Variants in TTC13 observed in about 807,000 individuals in gnomAD.
The protein encoded by TTC13 is tetratricopeptide repeat domain 13, also known as tetratricopeptide repeat protein 13.
Under a neutral mutation model 120.0 loss-of-function variants are expected in TTC13, and 62 were observed. The ratio of observed to expected loss-of-function variants is 0.52; its 90% CI spans 0.42 to 0.64. The LOEUF (loss-of-function observed/expected upper bound fraction) is 0.64. TTC13 is among the 30% of genes least tolerant of loss of function. The probability of loss-of-function intolerance (pLI) is 0.00; values close to 1 mark genes in which losing one functional copy is unlikely to be tolerated. For missense variants in TTC13, 824 were observed against 1,050.2 expected (o/e 0.78, Z 2.98); for synonymous variants, 384 against 393.5 (o/e 0.98, Z 0.28).
intron 18 of TTC13, among the ~76,000 whole-genome samples, chr1:230,914,247 C>T (rs189929558): frequency 2.7e-3 from 408 of 152,224 alleles, no homozygotes; most frequent in Non-Finnish European, 4.8e-3. Flanking sequence ...CGAGGATTTT[C>T]TTCCACCTCT....
chr1:230,938,549 C>G (rs1013288517), intron 8 of TTC13, among the ~76,000 whole-genome samples: 2 of 152,176 alleles, frequency 1.3e-5, no homozygotes, highest in African/African-American at 4.8e-5. Context: ...CCTCCTCTGC[C>G]CAGCAGTCAG....
At chr1:230,934,608 A>G (rs1270228320) in intron 8 of TTC13, among the ~76,000 whole-genome samples, 2 of 152,240 alleles carry the variant, frequency 1.3e-5, no homozygotes, top group African/African-American at 4.8e-5. Flanking sequence ...CTATTTAAGT[A>G]GAAACAACCT....
rs1170199674 is a variant in TTC13 at position 230,937,031 on chromosome 1, G to A, written c.900+2355C>T. Among the ~76,000 whole-genome samples, 4 of 152,214 alleles carry A rather than the reference G, an allele frequency of 2.6e-5. No homozygotes were observed. The East Asian group carries it at 7.7e-4, about 29-fold the overall frequency. The stretch of plus-strand genomic sequence containing the variant: ...GTTCCCATCTATTATACTTGCTGAT[G>A]CTGTGCTTATGAGCATGGTGAAAAG... On this transcript the variant is annotated intron_variant, in intron 8 of 22. Coordinates refer to ENST00000366661, the MANE Select transcript of TTC13 (RefSeq NM_024525.5).
intron 22 of TTC13, among the ~76,000 whole-genome samples, chr1:230,907,754 T>C (rs1025915463): frequency 6.6e-6 from 1 of 152,226 alleles, no homozygotes; most frequent in Non-Finnish European, 1.5e-5. Context: ...GTGGTTGCTA[T>C]GTCAAATAGA....
At chr1:230,969,119 G>A (rs547256384) in intron 1 of TTC13, among the ~76,000 whole-genome samples, 63 of 149,858 alleles carry the variant, frequency 4.2e-4, no homozygotes, top group African/African-American at 1.4e-3. Context: ...AAACCTAGCC[G>A]GGTGCAGTGG....
chr1:230,933,848 G>T lies in TTC13; in HGVS notation c.914C>A (p.Ser305Tyr). 1 of 1,597,762 alleles carries T rather than the reference G, an allele frequency of 6.3e-7. No individual in the cohort carries two copies. The highest frequency in any genetic ancestry group is 1.1e-5 in the South Asian group (1 of 88,874). ...HRGLLKEAIE[S>Y]FKEALKQKVD... is the part of the protein sequence containing the mutation. ...TTTCTGCTTCAAAGCTTCTTTGAAG[G>T]ATTCAATAGCTTCCTATAAAAAGTG... Residue 305 changes from serine to tyrosine, a missense_variant, in exon 9 of 23, where the codon TCC becomes TAC. This residue lies in a region of TTC13 where 430 missense variants were observed against 626.8 expected (regional missense o/e 0.69). Coordinates refer to ENST00000366661, the MANE Select transcript of TTC13 (RefSeq NM_024525.5).
chr1:230,940,484 C>T lies in TTC13; in HGVS notation c.745G>A (p.Ala249Thr). The change falls in exon 7 of 23, where the codon GCA becomes ACA. Residue 249 changes from alanine (A) to threonine (T), a missense_variant. Transcript: ENST00000366661. This position sits in a 1 kb window ranked among gnomAD's most constrained non-coding sequence, Gnocchi z 4.1. ...GTTCCCCGATGTCTGTACAGCCGTG[C>T]TGAGGGCTGCAGTTGGATAGCTTTA... ...LTKAIQLQPS[A>T]RLYRHRGTLY... The T allele has an allele frequency of 6.2e-7, 1 of 1,613,874 alleles. No homozygotes were observed.
At chr1:230,923,308 G>A (rs890015979) in intron 15 of TTC13, among the ~76,000 whole-genome samples, 10 of 152,100 alleles carry the variant, frequency 6.6e-5, no homozygotes, top group African/African-American at 2.4e-4. Flanking sequence ...CCAACTAGCA[G>A]AGCCTCTGGA....
chr1:230,916,229 T>A lies in TTC13; in HGVS notation c.2057A>T (p.Glu686Val), dbSNP rs369821539. 1.9e-6 allele frequency: 3 copies of A among 1,614,000 alleles called. No individual in the cohort carries two copies. Among genetic ancestry groups the A allele is most frequent in the Non-Finnish European group, 2.5e-6 (3 of 1,179,960 alleles). ...AATCGTGATTGTGAATCCATCATATTCCTTCCCTTGGTCTTTAAGGCTGGG... is the reference window on the plus strand; with the variant it reads ...AATCGTGATTGTGAATCCATCATATACCTTCCCTTGGTCTTTAAGGCTGGG... Reference protein sequence around the residue: ...KVPSLKDQGKEYDGFTITITG... With the variant: ...KVPSLKDQGKVYDGFTITITG... The change falls in exon 18 of 23, where the codon GAA becomes GTA. Residue 686 changes from glutamate (E) to valine (V), a missense_variant. Transcript: ENST00000366661.
intron 1 of TTC13, among the ~76,000 whole-genome samples, chr1:230,966,659 C>T (rs1451243927): frequency 6.6e-6 from 1 of 152,130 alleles, no homozygotes; most frequent in Non-Finnish European, 1.5e-5. Flanking sequence ...CACAAAGAAA[C>T]ATAAACCAAC....
chr1:230,912,816 C>G (rs889921939), intron 18 of TTC13, 58 bp from the exon 19 acceptor site: 141 of 1,537,328 alleles, frequency 9.2e-5, no homozygotes, highest in Non-Finnish European at 1.1e-4. Flanking sequence ...CAGCCAAACA[C>G]AGAAAGTTTT....
chr1:230,951,178 T>C (rs922890399), intron 4 of TTC13, among the ~76,000 whole-genome samples: 1 of 152,198 alleles, frequency 6.6e-6, no homozygotes, highest in Non-Finnish European at 1.5e-5. Flanking sequence ...AGGAAAGGTA[T>C]AAGAGCTTTA....
Position 230,978,832 on chromosome 1 carries a change from T to A in TTC13, c.-2A>T. 4.8e-6 allele frequency: 7 copies of A among 1,472,580 alleles called. No individual in the cohort carries two copies. The highest frequency in any genetic ancestry group is 5.3e-6 in the Non-Finnish European group (6 of 1,122,382). The allele number at this position is 1,472,580 out of a possible 1,614,324, so 91.2% of individuals were successfully genotyped here. On this transcript the variant is annotated 5_prime_UTR_variant, in exon 1 of 23. It adds an upstream start codon to the 5' untranslated region. Coordinates refer to ENST00000366661, the MANE Select transcript of TTC13 (RefSeq NM_024525.5). The surrounding 1 kb of genome is among the most constrained non-coding windows in gnomAD (Gnocchi z 5.6). ...GCAGCAGCAGCCGGCAGGTGCCATC[T>A]TCCCTCAAGGCGCATGCGCGACAGC...
At position 230,978,444 on chromosome 1, in the gene TTC13, G is replaced by T. The variant is rs1273300308; in HGVS notation, c.271+116C>A. The stretch of plus-strand genomic sequence containing the variant: ...ACCCCTGGCCGAGCCGGCTCCCGCG[G>T]ATCGCGCGCCGCAGCCGGAGGCGTG... On this transcript the variant is annotated intron_variant, in intron 1 of 22. Coordinates refer to ENST00000366661, the MANE Select transcript of TTC13 (RefSeq NM_024525.5). The surrounding 1 kb of genome is among the most constrained non-coding windows in gnomAD (Gnocchi z 5.6). The T allele has an allele frequency of 4.5e-5, 12 of 263,982 alleles. No individual in the cohort carries two copies. Among genetic ancestry groups the T allele is most frequent in the Admixed American group, 1.1e-4 (2 of 18,338 alleles). The allele number at this position is 263,982 out of a possible 1,614,324, so 16.4% of individuals were successfully genotyped here.
intron 1 of TTC13, among the ~76,000 whole-genome samples, chr1:230,967,826 T>C (rs1445810801): frequency 6.6e-6 from 1 of 152,220 alleles, no homozygotes; most frequent in African/African-American, 2.4e-5. Flanking sequence ...CAACCAGCTG[T>C]ACATAAATAG....
At chr1:230,938,666 C>T (rs757135431) in intron 8 of TTC13, among the ~76,000 whole-genome samples, 2 of 152,298 alleles carry the variant, frequency 1.3e-5, no homozygotes, top group East Asian at 3.9e-4. Context: ...TGACCTAGAC[C>T]CAACCAATGT....
chr1:230,925,833 T>C (rs1673003714), intron 12 of TTC13, among the ~76,000 whole-genome samples, 186 bp from the exon 13 acceptor site: 1 of 152,338 alleles, frequency 6.6e-6, no homozygotes, highest in South Asian at 2.1e-4. Flanking sequence ...TATGATGGCA[T>C]GTGCATAATT....
intron 14 of TTC13, among the ~76,000 whole-genome samples, chr1:230,924,159 A>G (rs1672836841): frequency 6.6e-6 from 1 of 152,230 alleles, no homozygotes; most frequent in African/African-American, 2.4e-5. Flanking sequence ...CACGCAAATG[A>G]ATATCAAAGG....
At chr1:230,946,665 C>T (rs1396991820) in intron 4 of TTC13, among the ~76,000 whole-genome samples, 2 of 152,150 alleles carry the variant, frequency 1.3e-5, no homozygotes, top group Non-Finnish European at 2.9e-5. Context: ...CATTCTCACA[C>T]AGCAATAAAT....
Sources: allele counts gnomAD v4.1 joint callset (sites outside exome capture counted in the v4.1 genomes callset), GRCh38; gene constraint gnomAD v4.1.1; regional missense constraint gnomAD v4.1.1; non-coding constraint Gnocchi (gnomAD v3.1); transcripts MANE v1.5; gene names NCBI Gene and HGNC (gene_info 2026-07-23, HGNC 2026-07-21).